The following DPYD variants were observed in gnomAD, a reference collection of about 807,000 sequenced individuals.
DPYD encodes the protein dihydropyrimidine dehydrogenase.
Under a neutral mutation model 116.2 loss-of-function variants are expected in DPYD, and 109 were observed. That is an observed-to-expected ratio of 0.94 (90% CI 0.80 to 1.10). The LOEUF (loss-of-function observed/expected upper bound fraction) is 1.10, where lower values mean the gene tolerates loss of function less well. Among genes scored for constraint, DPYD ranks in the 50% least tolerant of loss-of-function variants. The pLI is 0.00. For synonymous variants in DPYD, 440 were observed against 432.0 expected (o/e 1.02, Z -0.23); for missense variants, 1,302 against 1,254.5 (o/e 1.04, Z -0.57).
intron 19 of DPYD, among the ~76,000 whole-genome samples, chr1:97,195,138 A>T (rs1658657548): frequency 6.6e-6 from 1 of 152,132 alleles, no homozygotes; most frequent in African/African-American, 2.4e-5. Flanking sequence ...AATTTACAAC[A>T]TGAATTCAAC....
chr1:97,766,502 C>A (rs540743520), intron 3 of DPYD, among the ~76,000 whole-genome samples: 1 of 152,066 alleles, frequency 6.6e-6, no homozygotes, highest in East Asian at 2.0e-4. Flanking sequence ...TATAGTCTTC[C>A]CATTTGGCAA....
rs1241285940 is a variant in DPYD at position 97,285,052 on chromosome 1, T to C, written c.2299+20207A>G. 3.3e-5 allele frequency among the ~76,000 whole-genome samples: 5 copies of C among 152,288 alleles called. No individual in the cohort carries two copies. The East Asian group carries it at 9.7e-4, about 29-fold the overall frequency. ...TAACGGGTCTGGATCAAAGCCAAAT[T>C]GGCAGAATCTAGCAGATTTTTATGG... is the stretch of plus-strand genomic sequence containing the variant. On this transcript the variant is annotated intron_variant, in intron 18 of 22. Coordinates refer to ENST00000370192, the MANE Select transcript of DPYD (RefSeq NM_000110.4).
intron 4 of DPYD, among the ~76,000 whole-genome samples, chr1:97,724,410 A>C (rs999159392): frequency 1.3e-5 from 2 of 150,188 alleles, no homozygotes; most frequent in African/African-American, 2.4e-5. Flanking sequence ...AGAACCTGCA[A>C]ATTTCCAAGA....
At chr1:97,145,351 C>T (rs573644217) in intron 20 of DPYD, among the ~76,000 whole-genome samples, 1 of 152,118 alleles carries the variant, frequency 6.6e-6, no homozygotes, top group Non-Finnish European at 1.5e-5. Flanking sequence ...ACTCACTTAG[C>T]CTCATTAAGC....
At chr1:97,569,637 G>C (rs950752984) in intron 11 of DPYD, among the ~76,000 whole-genome samples, 1 of 151,642 alleles carries the variant, frequency 6.6e-6, no homozygotes, top group Non-Finnish European at 1.5e-5. Flanking sequence ...ATATGGAGTC[G>C]TACATTCTTA....
chr1:97,281,046 A>G (rs1488350264), intron 18 of DPYD, among the ~76,000 whole-genome samples: 1 of 152,184 alleles, frequency 6.6e-6, no homozygotes, highest in Non-Finnish European at 1.5e-5. Flanking sequence ...TATTTTAAAA[A>G]CTATCAAAAG....
intron 16 of DPYD, among the ~76,000 whole-genome samples, chr1:97,354,332 C>T (rs992174376): frequency 6.6e-6 from 1 of 152,172 alleles, no homozygotes; most frequent in Non-Finnish European, 1.5e-5. Context: ...TATAGGACAA[C>T]AGATGTGTAA....
intron 2 of DPYD, among the ~76,000 whole-genome samples, chr1:97,876,880 C>T (rs1439247881): frequency 5.3e-5 from 8 of 151,906 alleles, no homozygotes. Flanking sequence ...AACTTTTTTC[C>T]TCCACTCCCA....
chr1:97,585,409 G>C (rs551135539), intron 10 of DPYD, among the ~76,000 whole-genome samples: 1 of 152,204 alleles, frequency 6.6e-6, no homozygotes, highest in East Asian at 1.9e-4. Flanking sequence ...GGGCTCCCCT[G>C]GTACTAAGAT....
chr1:97,644,199 G>C (rs1306908730), intron 8 of DPYD, among the ~76,000 whole-genome samples: 1 of 152,076 alleles, frequency 6.6e-6, no homozygotes, highest in Non-Finnish European at 1.5e-5. Context: ...GAAAACATCT[G>C]TATTGAATGC....
At position 97,663,726 on chromosome 1, in the gene DPYD, T is replaced by C. The variant is rs72975780; in HGVS notation, c.850+15369A>G. ...ATTTGCATTGCCATGTGAAGTCTCC[T>C]GAATCTGGTCCTGGTTTGTGTTTGT... On this transcript the variant is annotated intron_variant, in intron 8 of 22. Transcript: ENST00000370192. Among the ~76,000 whole-genome samples the C allele has an allele frequency of 5.0e-3, 765 of 152,318 alleles. 6 individuals are homozygous for C. The highest frequency in any genetic ancestry group is 0.017 in the African/African-American group (725 of 41,568).
intron 19 of DPYD, among the ~76,000 whole-genome samples, chr1:97,227,331 C>CAAAAAAAAAA (rs60992225): frequency 1.4e-3 from 36 of 26,354 alleles, no homozygotes; most frequent in South Asian, 4.8e-3. Context: ...GACTCTATCT[C>CAAAAAAAAAA]AAAAAAAAAA....
chr1:97,460,163 T>G (rs1676939402), intron 13 of DPYD, among the ~76,000 whole-genome samples: 1 of 152,176 alleles, frequency 6.6e-6, no homozygotes. Context: ...AAAAAGCAGG[T>G]GCAAATCTGA....
chr1:97,485,796 A>C (rs1678600916), intron 13 of DPYD, among the ~76,000 whole-genome samples: 1 of 152,184 alleles, frequency 6.6e-6, no homozygotes, highest in Non-Finnish European at 1.5e-5. Flanking sequence ...AGATATCTGC[A>C]GTTGGCTAAG....
intron 8 of DPYD, among the ~76,000 whole-genome samples, chr1:97,622,780 C>A (rs903346602): frequency 6.6e-6 from 1 of 151,864 alleles, no homozygotes; most frequent in Non-Finnish European, 1.5e-5. Context: ...GACTAAGTTG[C>A]ATGAAGTATG....
intron 22 of DPYD, 146 bp from the exon 23 acceptor site, chr1:97,079,292 T>C (rs1053811541): frequency 3.8e-6 from 3 of 796,692 alleles, no homozygotes; most frequent in African/African-American, 1.7e-5. Context: ...ATAGCAACAG[T>C]TGAGCTGACA....
chr1:97,267,041 AC>A (rs1334230918), intron 18 of DPYD, among the ~76,000 whole-genome samples: 1 of 152,034 alleles, frequency 6.6e-6, no homozygotes, highest in Non-Finnish European at 1.5e-5. Context: ...TTGGGTATAT[AC>A]CCCGTAATGG....
At chr1:97,425,286 T>C (rs1468742824) in intron 14 of DPYD, among the ~76,000 whole-genome samples, 2 of 152,054 alleles carry the variant, frequency 1.3e-5, no homozygotes, top group Non-Finnish European at 2.9e-5. Flanking sequence ...TATAACAGAT[T>C]ATGAAAGTGA....
At chr1:97,554,395 T>C (rs1570950082) in intron 11 of DPYD, among the ~76,000 whole-genome samples, 1 of 152,284 alleles carries the variant, frequency 6.6e-6, no homozygotes, top group Non-Finnish European at 1.5e-5. Context: ...TTAGTATTCT[T>C]TGGAGAGTTT....
Sources: allele counts gnomAD v4.1 joint callset (sites outside exome capture counted in the v4.1 genomes callset), GRCh38; gene constraint gnomAD v4.1.1; transcripts MANE v1.5; gene names NCBI Gene and HGNC (gene_info 2026-07-23, HGNC 2026-07-21).